The following KCNQ1 variants were observed in gnomAD, a reference collection of about 807,000 sequenced individuals.
KCNQ1 encodes the protein potassium voltage-gated channel subfamily Q member 1.
In KCNQ1, 49 loss-of-function variants were observed where a neutral mutation model predicts 72.4. That is an observed-to-expected ratio of 0.68 (90% CI 0.54 to 0.86). KCNQ1 has a LOEUF of 0.86. Ranked by LOEUF, KCNQ1 falls within the 40% of genes least tolerant of loss-of-function variation. The pLI is 0.00. For synonymous variants in KCNQ1, 450 were observed against 412.6 expected (o/e 1.09, Z -1.10); for missense variants, 790 against 945.1 (o/e 0.84, Z 2.15).
rs1850119213 is a variant in KCNQ1, at chr11:2,668,271, C to A, written c.1514+6190C>A. On this transcript the variant is annotated intron_variant, in intron 11 of 15. Coordinates refer to ENST00000155840, the MANE Select transcript of KCNQ1 (RefSeq NM_000218.3). This position sits in a 1 kb window ranked among gnomAD's most constrained non-coding sequence, Gnocchi z 4.3. ...GTGTAGGTTGCTGTTTAAGAATATTCTGTACATGCTTTTGGTGAGCATCAG... is the reference window on the plus strand; with the variant it reads ...GTGTAGGTTGCTGTTTAAGAATATTATGTACATGCTTTTGGTGAGCATCAG... 2.5e-6 allele frequency: 1 copy of A among 398,656 alleles called. No individual in the cohort carries two copies. Among genetic ancestry groups the A allele is most frequent in the Non-Finnish European group, 4.4e-6 (1 of 226,100 alleles). The allele number at this position is 398,656 out of a possible 1,614,324, so 24.7% of individuals were successfully genotyped here. A position where few individuals can be genotyped will look rare whatever the true frequency, so the allele number is the denominator to read the frequency against.
rs1453902245 is a variant in KCNQ1 at position 2,704,965 on chromosome 11, G to A, written c.1514+42884G>A. 1.3e-5 allele frequency among the ~76,000 whole-genome samples: 2 copies of A among 152,258 alleles called. No individual in the cohort carries two copies. Among genetic ancestry groups the A allele is most frequent in the South Asian group, 4.1e-4 (2 of 4,826 alleles). On this transcript the variant is annotated intron_variant, in intron 11 of 15. Coordinates refer to ENST00000155840, the MANE Select transcript of KCNQ1 (RefSeq NM_000218.3). This position sits in a 1 kb window ranked among gnomAD's most constrained non-coding sequence, Gnocchi z 4.3. ...GACAACTCTGTGGCTCTGGGGCACT[G>A]TCACCCTGTGGCATGGCCTGTTTGT...
In KCNQ1 at chr11:2,785,173, T is replaced by C. The variant is rs115689012; in HGVS notation, c.1794+7136T>C. 7.7e-3 allele frequency among the ~76,000 whole-genome samples: 1,166 copies of C among 152,116 alleles called. 16 individuals carry two copies. The highest frequency in any genetic ancestry group is 0.027 in the African/African-American group (1,118 of 41,576). Reference sequence around the variant, plus strand: ...TGTTGAGAATATTTCCTTCTATTTTTAGTGTGTTGAGAGCTCTCATTATGA... The same window carrying C: ...TGTTGAGAATATTTCCTTCTATTTTCAGTGTGTTGAGAGCTCTCATTATGA... On this transcript the variant is annotated intron_variant, in intron 15 of 15. Coordinates refer to ENST00000155840, the MANE Select transcript of KCNQ1 (RefSeq NM_000218.3). This position sits in a 1 kb window ranked among gnomAD's most constrained non-coding sequence, Gnocchi z 4.4.
chr11:2,634,069 T>C (rs909333526), intron 10 of KCNQ1: 9 of 398,494 alleles, frequency 2.3e-5, no homozygotes, highest in African/African-American at 1.9e-4. Flanking sequence ...CTATTTGTGG[T>C]CTTTTGTGGT....
rs1347632579 is a variant in KCNQ1, at chr11:2,687,131, G to A, written c.1514+25050G>A. ...CTTGACACACAAACTGCACAGGGAG[G>A]GGAGGAATCTGAGCCAGCTTCCTCC... is the stretch of plus-strand genomic sequence containing the variant. On this transcript the variant is annotated intron_variant, in intron 11 of 15. Transcript: ENST00000155840. This position sits in a 1 kb window ranked among gnomAD's most constrained non-coding sequence, Gnocchi z 5.0. The A allele has an allele frequency of 7.5e-6, 3 of 398,496 alleles. No homozygotes were observed. Among genetic ancestry groups the A allele is most frequent in the Non-Finnish European group, 1.3e-5 (3 of 226,080 alleles). The allele number at this position is 398,496 out of a possible 1,614,324, so 24.7% of individuals were successfully genotyped here.
chr11:2,802,108 G>T (rs1847279969), intron 15 of KCNQ1, among the ~76,000 whole-genome samples: 2 of 152,354 alleles, frequency 1.3e-5, no homozygotes, highest in African/African-American at 4.8e-5. Flanking sequence ...AGGACGTGCT[G>T]AGGGTGTTGG....
intron 11 of KCNQ1, among the ~76,000 whole-genome samples, chr11:2,733,846 T>TCTCTCA (rs1845903578): frequency 1.9e-5 from 1 of 52,344 alleles, no homozygotes; most frequent in Admixed American, 1.5e-4. Flanking sequence ...TCTCTCTCTC[T>TCTCTCA]CTCTCTCTCT....
rs1590032498 is a variant in KCNQ1 at position 2,687,093 on chromosome 11, G to T, written c.1514+25012G>T. 11 of 398,684 alleles carry T rather than the reference G, an allele frequency of 2.8e-5. No homozygotes were observed. The East Asian group carries it at 3.9e-4, about 14-fold the overall frequency. The allele number at this position is 398,684 out of a possible 1,614,324, so 24.7% of individuals were successfully genotyped here. The stretch of plus-strand genomic sequence containing the variant: ...TGATGCAAGATATCCTGAGTTGGGT[G>T]TGACAAGTACACCTTGACACACAAA... On this transcript the variant is annotated intron_variant, in intron 11 of 15. Coordinates refer to ENST00000155840, the MANE Select transcript of KCNQ1 (RefSeq NM_000218.3). The surrounding 1 kb of genome is among the most constrained non-coding windows in gnomAD (Gnocchi z 5.0).
At chr11:2,577,934 C>T (rs1367541697) in intron 6 of KCNQ1, among the ~76,000 whole-genome samples, 3 of 152,176 alleles carry the variant, frequency 2.0e-5, no homozygotes, top group African/African-American at 7.2e-5. Context: ...CCCCTTTCCT[C>T]CACCTTCATT....
intron 2 of KCNQ1, among the ~76,000 whole-genome samples, chr11:2,554,715 C>G (rs946723115): frequency 4.6e-5 from 7 of 152,256 alleles, no homozygotes; most frequent in Non-Finnish European, 7.3e-5. Context: ...TTTAAGAAGA[C>G]AGGCCCTACA....
At chr11:2,500,320 A>G (rs1846989088) in intron 1 of KCNQ1, among the ~76,000 whole-genome samples, 1 of 152,250 alleles carries the variant, frequency 6.6e-6, no homozygotes, top group Non-Finnish European at 1.5e-5. Context: ...CAAAACCACA[A>G]TGAGATACCA....
Position 2,668,683 on chromosome 11 carries a change from G to T in KCNQ1, c.1514+6602G>T. On this transcript the variant is annotated intron_variant, in intron 11 of 15. Transcript: ENST00000155840. The surrounding 1 kb of genome is among the most constrained non-coding windows in gnomAD (Gnocchi z 4.3). ...ATTCTGGAGTCATTTGTCAGAGAGA[G>T]AGATACACACACTCACACTCTCTCA... 2.5e-6 allele frequency: 1 copy of T among 398,506 alleles called. No individual in the cohort carries two copies. The highest frequency in any genetic ancestry group is 4.4e-6 in the Non-Finnish European group (1 of 226,036). 24.7% of individuals were successfully genotyped at this position (398,506 alleles called of 1,614,324 possible).
At chr11:2,572,148 G>A (rs377589749) in intron 5 of KCNQ1, 39 bp downstream of exon 5, 1 of 1,486,210 alleles carries the variant, frequency 6.7e-7, no homozygotes, top group South Asian at 1.1e-5. Context: ...CCCAGGTTGG[G>A]GACAGGACGG....
Position 2,668,162 on chromosome 11 carries a change from G to C in KCNQ1, c.1514+6081G>C, listed in dbSNP as rs1373042627. On this transcript the variant is annotated intron_variant, in intron 11 of 15. Coordinates refer to ENST00000155840, the MANE Select transcript of KCNQ1 (RefSeq NM_000218.3). The surrounding 1 kb of genome is among the most constrained non-coding windows in gnomAD (Gnocchi z 4.3). The stretch of plus-strand genomic sequence containing the variant: ...GGCTGAAGGGAGAGTGCTCCCTCAT[G>C]CTCCTTGCTGACTGGTGCTCCATTG... 7.5e-6 allele frequency: 3 copies of C among 398,494 alleles called. No individual in the cohort carries two copies. Among genetic ancestry groups the C allele is most frequent in the African/African-American group, 6.2e-5 (3 of 48,608 alleles). 24.7% of individuals were successfully genotyped at this position (398,494 alleles called of 1,614,324 possible). A position where few individuals can be genotyped will look rare whatever the true frequency, so the allele number is the denominator to read the frequency against.
intron 2 of KCNQ1, among the ~76,000 whole-genome samples, chr11:2,569,094 C>G (rs1848288201): frequency 6.6e-6 from 1 of 152,186 alleles, no homozygotes; most frequent in South Asian, 2.1e-4. Flanking sequence ...CCATGTTGAT[C>G]AGGCTGGTCT....
chr11:2,649,803 T>G, intron 10 of KCNQ1: 1 of 398,534 alleles, frequency 2.5e-6, no homozygotes, highest in East Asian at 3.6e-5. Context: ...TATTTAGGGA[T>G]TTGTGAGCTT....
rs1255446204 is a variant in KCNQ1, at chr11:2,568,214, A to G, written c.478-2414A>G. 2.6e-5 allele frequency among the ~76,000 whole-genome samples: 4 copies of G among 152,312 alleles called. No individual in the cohort carries two copies. The South Asian group carries it at 8.3e-4, about 32-fold the overall frequency. On this transcript the variant is annotated intron_variant, in intron 2 of 15. Coordinates refer to ENST00000155840, the MANE Select transcript of KCNQ1 (RefSeq NM_000218.3). ...CTTGAACCTGGGAGGCAGAGGTTGC[A>G]GTGAGCCGAGATCACGCCACTGCAC...
At chr11:2,792,386 A>G (rs535698128) in intron 15 of KCNQ1, among the ~76,000 whole-genome samples, 192 of 152,256 alleles carry the variant, frequency 1.3e-3, no homozygotes, top group African/African-American at 4.4e-3. Flanking sequence ...GCACCCAGAA[A>G]ACCCCCAGCA....
At position 2,487,484 on chromosome 11, in the gene KCNQ1, T is replaced by G. The variant is rs11529555; in HGVS notation, c.387-40444T>G. On this transcript the variant is annotated intron_variant, in intron 1 of 15. Coordinates refer to ENST00000155840, the MANE Select transcript of KCNQ1 (RefSeq NM_000218.3). ...TTGGGTAGTATTGATATCTCAACAT[T>G]GTCTTCTAATCCATGAACATGGGAT... Among the ~76,000 whole-genome samples the G allele has an allele frequency of 3.3e-5, 5 of 152,334 alleles. No homozygotes were observed. The East Asian group carries it at 9.6e-4, about 29-fold the overall frequency.
In KCNQ1 at chr11:2,642,773, T is replaced by C; in HGVS notation, c.1394-19188T>C. On this transcript the variant is annotated intron_variant, in intron 10 of 15. Coordinates refer to ENST00000155840, the MANE Select transcript of KCNQ1 (RefSeq NM_000218.3). This position sits in a 1 kb window ranked among gnomAD's most constrained non-coding sequence, Gnocchi z 4.3. ...TATCATTAGATTATTTAAGATCTTT[T>C]CTACCTTTTTTAATGGAGGCATTTA... 1 of 397,854 alleles carries C rather than the reference T, an allele frequency of 2.5e-6. No individual in the cohort carries two copies. The allele number at this position is 397,854 out of a possible 1,614,324, so 24.6% of individuals were successfully genotyped here.
Sources: gnomAD v4.1 joint callset for allele counts (sites outside exome capture counted in the v4.1 genomes callset) on GRCh38, gnomAD v4.1.1 for gene constraint, Gnocchi (gnomAD v3.1) non-coding constraint, MANE v1.5 for transcripts, NCBI Gene and HGNC (gene_info 2026-07-23, HGNC 2026-07-21) for gene names.